UGGT1: variants seen among roughly 807,000 people sequenced by gnomAD.
The protein encoded by UGGT1 is UDP-glucose:glycoprotein glucosyltransferase 1.
In UGGT1, 107 loss-of-function variants were observed where a neutral mutation model predicts 203.9. The ratio of observed to expected loss-of-function variants is 0.52; its 90% CI spans 0.45 to 0.62. The LOEUF (loss-of-function observed/expected upper bound fraction) is 0.62, where lower values mean the gene tolerates loss of function less well. UGGT1 is among the 20% of genes least tolerant of loss of function. The pLI, the probability that UGGT1 is intolerant of heterozygous loss-of-function variation, is 0.00. For missense variants in UGGT1, 1,673 were observed against 1,867.2 expected (o/e 0.90, Z 1.92); for synonymous variants, 628 against 653.5 (o/e 0.96, Z 0.59).
chr2:128,112,454 T>TTATATATATATATATATATATATATATA (rs59726004), intron 5 of UGGT1, among the ~76,000 whole-genome samples: 614 of 55,200 alleles, frequency 0.011, 43 homozygotes, highest in African/African-American at 0.019. Flanking sequence ...AAATACTATG[T>TTATATATATATATATATATATATATATA]TATATATATA....
chr2:128,158,379 C>T (rs1330883225), intron 22 of UGGT1, among the ~76,000 whole-genome samples: 1 of 152,222 alleles, frequency 6.6e-6, no homozygotes, highest in African/African-American at 2.4e-5. Flanking sequence ...TGCCCACCCA[C>T]ACTTGTGCCC....
At chr2:128,115,093 G>A in intron 6 of UGGT1, 31 bp from the exon 7 acceptor site, 1 of 1,596,210 alleles carries the variant, frequency 6.3e-7, no homozygotes, top group Non-Finnish European at 8.6e-7. Context: ...AGAGCTAGGT[G>A]GTAATGATGG....
intron 27 of UGGT1, among the ~76,000 whole-genome samples, chr2:128,170,910 G>A (rs574929691): frequency 4.6e-5 from 7 of 152,238 alleles, no homozygotes; most frequent in African/African-American, 1.4e-4. Context: ...GCATGTGAGC[G>A]GTGACTCTGA....
At chr2:128,162,000 C>T (rs1390312714) in intron 25 of UGGT1, among the ~76,000 whole-genome samples, 1 of 152,146 alleles carries the variant, frequency 6.6e-6, no homozygotes, top group Non-Finnish European at 1.5e-5. Context: ...GGTTTCTCCA[C>T]ATCCTCACAA....
At chr2:128,163,362 C>A (rs1573599938) in intron 25 of UGGT1, among the ~76,000 whole-genome samples, 1 of 142,688 alleles carries the variant, frequency 7.0e-6, no homozygotes, top group African/African-American at 2.6e-5. Context: ...TTTGGTTCAG[C>A]AAATTGGAGT....
At chr2:128,188,537 T>A (rs10183713) in intron 40 of UGGT1, among the ~76,000 whole-genome samples, 1 of 152,262 alleles carries the variant, frequency 6.6e-6, no homozygotes, top group Non-Finnish European at 1.5e-5. Flanking sequence ...AAATTTTAAA[T>A]GTATTTATTT....
chr2:128,158,356 C>T (rs1031328607), intron 22 of UGGT1, among the ~76,000 whole-genome samples: 1 of 152,168 alleles, frequency 6.6e-6, no homozygotes, highest in African/African-American at 2.4e-5. Flanking sequence ...TCCTGAAAGC[C>T]CTCCCACACT....
rs1166625435 is a variant in UGGT1, at chr2:128,193,907, G to A, written c.*4165G>A. The A allele has an allele frequency of 6.6e-6, 1 of 152,020 alleles. No individual in the cohort carries two copies. The highest frequency in any genetic ancestry group is 2.4e-5 in the African/African-American group (1 of 41,406). 9.4% of individuals were successfully genotyped at this position (152,020 alleles called of 1,614,324 possible). A position where few individuals can be genotyped will look rare whatever the true frequency, so the allele number is the denominator to read the frequency against. The stretch of plus-strand genomic sequence containing the variant: ...AAAGAAAGAACTCAGAGTTACAAGG[G>A]AAAAAGAAAAAGAGTTACAAGGGAA... On this transcript the variant is annotated 3_prime_UTR_variant, in exon 41 of 41. Transcript: ENST00000259253.
intron 16 of UGGT1, among the ~76,000 whole-genome samples, chr2:128,142,367 C>T (rs1053831609): frequency 4.7e-5 from 7 of 149,546 alleles, no homozygotes; most frequent in African/African-American, 9.8e-5. Context: ...GGGCGAATCA[C>T]GAGGTCAGGA....
chr2:128,155,656 T>C, intron 20 of UGGT1, 69 bp downstream of exon 20: 2 of 1,241,092 alleles, frequency 1.6e-6, no homozygotes, highest in African/African-American at 1.5e-5. Flanking sequence ...TTCATCTTAA[T>C]GTGCAAATTA....
At chr2:128,149,592 C>G (rs1333878803) in intron 18 of UGGT1, among the ~76,000 whole-genome samples, 1 of 150,590 alleles carries the variant, frequency 6.6e-6, no homozygotes, top group Non-Finnish European at 1.5e-5. Flanking sequence ...GGTGAAACCC[C>G]ATCTCTACTA....
intron 1 of UGGT1, among the ~76,000 whole-genome samples, chr2:128,091,767 T>G (rs1021596751): frequency 6.6e-6 from 1 of 152,210 alleles, no homozygotes; most frequent in African/African-American, 2.4e-5. Context: ...TGCAGGACCC[T>G]GATTGCAGAA....
chr2:128,117,993 T>TGA (rs139003872), intron 8 of UGGT1, among the ~76,000 whole-genome samples: 58 of 97,732 alleles, frequency 5.9e-4, no homozygotes, highest in Middle Eastern at 0.012. Context: ...TGTGTGTGTG[T>TGA]GAGAGAGAGA....
intron 2 of UGGT1, among the ~76,000 whole-genome samples, chr2:128,100,121 C>A (rs1687309234): frequency 6.7e-6 from 1 of 149,074 alleles, no homozygotes; most frequent in African/African-American, 2.5e-5. Flanking sequence ...CCTCTGCCTC[C>A]CAGGTTCAAG....
At chr2:128,185,082 ACTGT>A (rs1389341251) in intron 38 of UGGT1, among the ~76,000 whole-genome samples, 4 of 151,900 alleles carry the variant, frequency 2.6e-5, no homozygotes, top group African/African-American at 4.8e-5. Flanking sequence ...TTTTGTTCAT[ACTGT>A]CTATCACATA....
chr2:128,177,960 C>G, intron 33 of UGGT1, 40 bp downstream of exon 33: 6 of 1,531,208 alleles, frequency 3.9e-6, no homozygotes, highest in Non-Finnish European at 5.3e-6. Flanking sequence ...TAAGGAAAAA[C>G]TGAGATATAA....
intron 8 of UGGT1, among the ~76,000 whole-genome samples, chr2:128,119,781 C>T (rs1186759391): frequency 6.6e-6 from 1 of 151,462 alleles, no homozygotes; most frequent in African/African-American, 2.4e-5. Flanking sequence ...TGTTGTCATA[C>T]TTGCTTTTCT....
intron 10 of UGGT1, 75 bp from the exon 11 acceptor site, chr2:128,123,111 T>C: frequency 8.4e-7 from 1 of 1,190,294 alleles, no homozygotes; most frequent in Non-Finnish European, 1.2e-6. Flanking sequence ...ATGTGTTTCA[T>C]ATTTTAAAAT....
At chr2:128,171,386 G>T (rs1691094487) in intron 28 of UGGT1, 102 bp downstream of exon 28, 1 of 1,052,072 alleles carries the variant, frequency 9.5e-7, no homozygotes, top group East Asian at 2.6e-5. Flanking sequence ...TGGACATCAT[G>T]TTTGAAATGG....
Sources: gnomAD v4.1 joint callset for allele counts (sites outside exome capture counted in the v4.1 genomes callset) on GRCh38, gnomAD v4.1.1 for gene constraint, MANE v1.5 for transcripts, NCBI Gene and HGNC (gene_info 2026-07-23, HGNC 2026-07-21) for gene names.